TRIM5: variants seen among roughly 807,000 people sequenced by gnomAD.
TRIM5 encodes the protein tripartite motif containing 5.
In TRIM5, 31 loss-of-function variants were observed where a neutral mutation model predicts 35.6. The ratio of observed to expected loss-of-function variants is 0.87; its 90% CI spans 0.65 to 1.18. TRIM5 has a LOEUF of 1.18. Ranked by LOEUF, TRIM5 falls within the 50% of genes most tolerant of loss-of-function variation. The pLI, the probability that TRIM5 is intolerant of heterozygous loss-of-function variation, is 0.00. For missense variants in TRIM5, 609 were observed against 591.6 expected (o/e 1.03, Z -0.31); for synonymous variants, 243 against 215.6 (o/e 1.13, Z -1.11).
Position 5,666,100 on chromosome 11 carries a change from A to AC in TRIM5, c.768-20_768-19insG, listed in dbSNP as rs755994378. 2.5e-5 allele frequency: 40 copies of AC among 1,582,044 alleles called. No individual in the cohort carries two copies. In the East Asian group the frequency reaches 5.8e-4, roughly 23 times the overall value. ...CTCCGTCCTAAGAATTAAAAAAAAA[A>AC]AAAAAAACTTCCAAACCTTTGACCT... On this transcript the variant is annotated intron_variant, in intron 5 of 7. Coordinates refer to ENST00000380034, the MANE Select transcript of TRIM5 (RefSeq NM_033034.3).
At chr11:5,648,423 G>A in the TRIM5 span, among the ~76,000 whole-genome samples, 92,246 of 151,782 alleles carry the variant, frequency 0.61, 28,351 homozygotes, top group African/African-American at 0.68. Flanking sequence ...GGAGAATGGC[G>A]TGAACCTGGG....
chr11:5,590,923 T>C, the TRIM5 span: 30,678 of 159,292 alleles, frequency 0.19, 3,096 homozygotes, highest in Middle Eastern at 0.31. Context: ...GAACAAACTC[T>C]GGACACGCAG....
chr11:5,659,160 G>A (rs1850731245), downstream of TRIM5, among the ~76,000 whole-genome samples: 1 of 146,254 alleles, frequency 6.8e-6, no homozygotes, highest in African/African-American at 2.6e-5. Flanking sequence ...AAAAAAAAGA[G>A]TACAGTGTAA....
chr11:5,610,129 G>C, the TRIM5 span: 1 of 1,613,760 alleles, frequency 6.2e-7, no homozygotes, highest in Non-Finnish European at 8.5e-7. Flanking sequence ...GAACTCAGAA[G>C]TCCTGTCCTT....
chr11:5,649,780 C>G, the TRIM5 span, among the ~76,000 whole-genome samples: 1 of 152,078 alleles, frequency 6.6e-6, no homozygotes, highest in Non-Finnish European at 1.5e-5. Context: ...CCCTATCCAC[C>G]CCTTGATTTA....
At chr11:5,624,518 A>T in the TRIM5 span, among the ~76,000 whole-genome samples, 1 of 152,188 alleles carries the variant, frequency 6.6e-6, no homozygotes, top group African/African-American at 2.4e-5. Context: ...GATTCGAGGG[A>T]CCATGTGCAA....
At chr11:5,610,008 G>T in the TRIM5 span, 1 of 789,390 alleles carries the variant, frequency 1.3e-6, no homozygotes, top group Non-Finnish European at 2.0e-6. Context: ...CAGTGCCAGG[G>T]CTGTTTGCAG....
chr11:5,678,221 C>T lies in TRIM5; in HGVS notation c.727G>A (p.Val243Met), dbSNP rs1368628151. The change falls in exon 4 of 8, where the codon GTG becomes ATG. Residue 243 changes from valine (V) to methionine (M), a missense_variant. Physicochemically the swap from Val to Met is conservative, Grantham distance 21. Coordinates refer to ENST00000380034, the MANE Select transcript of TRIM5 (RefSeq NM_033034.3). ...CTTTTTACCTGAAGCAGCTCCATCACTGACCCCTGCAGCCGATGCTCCAGA... is the reference window on the plus strand; with the variant it reads ...CTTTTTACCTGAAGCAGCTCCATCATTGACCCCTGCAGCCGATGCTCCAGA... ...SDLEHRLQGS[V>M]MELLQGVDGV... The T allele has an allele frequency of 6.2e-7, 1 of 1,612,030 alleles. No individual in the cohort carries two copies. Among genetic ancestry groups the T allele is most frequent in the Non-Finnish European group, 8.5e-7 (1 of 1,178,550 alleles).
the TRIM5 span, among the ~76,000 whole-genome samples, chr11:5,654,706 T>G: frequency 6.6e-6 from 1 of 152,076 alleles, no homozygotes; most frequent in Admixed American, 6.5e-5. Flanking sequence ...GTGCTTAGAG[T>G]GTTGTGTTGT....
chr11:5,602,981 C>A, the TRIM5 span, among the ~76,000 whole-genome samples: 1 of 152,102 alleles, frequency 6.6e-6, no homozygotes, highest in East Asian at 1.9e-4. Flanking sequence ...AAAGATCACA[C>A]AGACAGTGAC....
At chr11:5,631,939 G>A in the TRIM5 span, among the ~76,000 whole-genome samples, 2 of 152,188 alleles carry the variant, frequency 1.3e-5, no homozygotes, top group Admixed American at 1.3e-4. Context: ...TGAATGATGA[G>A]TTTGTGGTTG....
At chr11:5,605,677 T>A in the TRIM5 span, 1 of 1,329,034 alleles carries the variant, frequency 7.5e-7, no homozygotes, top group African/African-American at 1.5e-5. Flanking sequence ...GAGAAAACAT[T>A]CCTTTGGCGC....
the TRIM5 span, among the ~76,000 whole-genome samples, chr11:5,616,921 G>C: frequency 7.0e-6 from 1 of 142,614 alleles, no homozygotes; most frequent in Non-Finnish European, 1.5e-5. Flanking sequence ...ATTTTTAGTA[G>C]AGACAGTGTT....
the TRIM5 span, among the ~76,000 whole-genome samples, chr11:5,651,591 C>T: frequency 1.3e-5 from 2 of 152,058 alleles, no homozygotes; most frequent in Non-Finnish European, 2.9e-5. Flanking sequence ...GTGAATGGTG[C>T]TGTGATGAAT....
At chr11:5,657,584 T>TA in the TRIM5 span, among the ~76,000 whole-genome samples, 2 of 101,242 alleles carry the variant, frequency 2.0e-5, no homozygotes, top group African/African-American at 4.2e-5. Context: ...ATATTATATA[T>TA]AATGCATTAT....
In TRIM5 at chr11:5,666,105, A is replaced by AC. The variant is rs1451544034; in HGVS notation, c.768-25_768-24insG. The AC allele has an allele frequency of 2.5e-6, 4 of 1,573,620 alleles. No individual in the cohort carries two copies. The African/African-American group carries it at 5.5e-5, about 22-fold the overall frequency. On this transcript the variant is annotated intron_variant, in intron 5 of 7. Transcript: ENST00000380034. The stretch of plus-strand genomic sequence containing the variant: ...TCCTAAGAATTAAAAAAAAAAAAAA[A>AC]AACTTCCAAACCTTTGACCTTGTGT...
At chr11:5,671,747 G>T (rs573480210) in intron 4 of TRIM5, among the ~76,000 whole-genome samples, 1 of 152,046 alleles carries the variant, frequency 6.6e-6, no homozygotes, top group East Asian at 1.9e-4. Context: ...AGAGGAAAAG[G>T]TTTTAAAACC....
the TRIM5 span, among the ~76,000 whole-genome samples, chr11:5,601,691 G>C: frequency 3.3e-5 from 5 of 152,320 alleles, no homozygotes; most frequent in Admixed American, 6.5e-5. Context: ...CCGGGAGGCA[G>C]AGGTTGCAGT....
intron 4 of TRIM5, among the ~76,000 whole-genome samples, chr11:5,674,722 C>A (rs1851815829): frequency 6.6e-6 from 1 of 152,226 alleles, no homozygotes; most frequent in African/African-American, 2.4e-5. Context: ...TGTGTTGGAA[C>A]AACTGGATAG....
Sources: gnomAD v4.1 joint callset for allele counts (sites outside exome capture counted in the v4.1 genomes callset) on GRCh38, gnomAD v4.1.1 for gene constraint, MANE v1.5 for transcripts, NCBI Gene and HGNC (gene_info 2026-07-23, HGNC 2026-07-21) for gene names.